The following USP33 variants were observed in gnomAD, a reference collection of about 807,000 sequenced individuals.
USP33 encodes ubiquitin carboxyl-terminal hydrolase 33.
USP33 carries 46 observed loss-of-function variants against 124.2 expected under a neutral mutation model. That is an observed-to-expected ratio of 0.37 (90% CI 0.29 to 0.47). USP33 has a LOEUF of 0.47. Among genes scored for constraint, USP33 ranks in the 20% least tolerant of loss-of-function variants. The pLI, the probability that USP33 is intolerant of heterozygous loss-of-function variation, is 0.99. For synonymous variants in USP33, 350 were observed against 352.3 expected (o/e 0.99, Z 0.07); for missense variants, 851 against 1,070.6 (o/e 0.79, Z 2.86).
chr1:77,734,369 C>A lies in USP33; in HGVS notation c.502G>T (p.Ala168Ser). The stretch of plus-strand genomic sequence containing the variant: ...TACCAATTAGAAAGAGCCTGCAAAG[C>A]TGCATTCATGTAACAAGTATTTCCA... The part of the protein sequence containing the change: ...NIGNTCYMNA[A>S]LQALSNCPPL... The change falls in exon 7 of 24, where the codon GCT becomes TCT. Residue 168 changes from alanine (A) to serine (S), a missense_variant. By Grantham distance (99) the Ala-to-Ser change is moderately conservative. Around this residue, in one of 4 missense-constraint regions of USP33, gnomAD observed 221 missense variants for 302.9 expected, o/e 0.73. Coordinates refer to ENST00000370794, the MANE Select transcript of USP33 (RefSeq NM_201624.3). 6 of 1,597,582 alleles carry A rather than the reference C, an allele frequency of 3.8e-6. No individual in the cohort carries two copies. Among genetic ancestry groups the A allele is most frequent in the Non-Finnish European group, 5.1e-6 (6 of 1,174,106 alleles).
At chr1:77,754,351 A>G (rs1330436891) in intron 1 of USP33, among the ~76,000 whole-genome samples, 1 of 152,214 alleles carries the variant, frequency 6.6e-6, no homozygotes, top group Non-Finnish European at 1.5e-5. Flanking sequence ...TTATCTTTCC[A>G]TATTTATCAT....
chr1:77,717,715 G>T, intron 17 of USP33, 152 bp downstream of exon 17: 1 of 500,552 alleles, frequency 2.0e-6, no homozygotes, highest in Non-Finnish European at 3.2e-6. Context: ...TCACTATGCT[G>T]CCCAAGCTGG....
At chr1:77,735,082 C>G (rs1010198364) in intron 6 of USP33, among the ~76,000 whole-genome samples, 3 of 151,198 alleles carry the variant, frequency 2.0e-5, no homozygotes, top group African/African-American at 7.3e-5. Context: ...GAGATTGCAC[C>G]ACTGCACTCC....
At chr1:77,697,638 G>T in intron 23 of USP33, 164 bp from the exon 24 acceptor site, 1 of 954,046 alleles carries the variant, frequency 1.0e-6, no homozygotes. Flanking sequence ...GAAACATATG[G>T]CTTGTCTTAA....
At chr1:77,757,037 T>C (rs1201513888) in intron 1 of USP33, among the ~76,000 whole-genome samples, 1 of 152,270 alleles carries the variant, frequency 6.6e-6, no homozygotes, top group Non-Finnish European at 1.5e-5. Flanking sequence ...AGCCACATTG[T>C]TCTACCGATG....
chr1:77,739,256 G>C lies in USP33; in HGVS notation c.351+9C>G. On this transcript the variant is annotated intron_variant, in intron 5 of 23. Coordinates refer to ENST00000370794, the MANE Select transcript of USP33 (RefSeq NM_201624.3). The stretch of plus-strand genomic sequence containing the variant: ...TTTACAGCTTAACTAAGTGGATCTA[G>C]ATTATTACCTGGACACTGTTTTCTT... 6.2e-7 allele frequency: 1 copy of C among 1,605,430 alleles called. No homozygotes were observed. Among genetic ancestry groups the C allele is most frequent in the Non-Finnish European group, 8.5e-7 (1 of 1,177,298 alleles).
chr1:77,722,797 A>G (rs1232830152), intron 12 of USP33, among the ~76,000 whole-genome samples: 1 of 152,234 alleles, frequency 6.6e-6, no homozygotes, highest in East Asian at 1.9e-4. Context: ...ACTGTACTTA[A>G]GAAAAGCTCA....
At chr1:77,727,293 T>TA (rs1238868202) in intron 10 of USP33, among the ~76,000 whole-genome samples, 4 of 152,232 alleles carry the variant, frequency 2.6e-5, no homozygotes, top group African/African-American at 9.6e-5. Flanking sequence ...ATCCCCTTGT[T>TA]ACTATGTGTA....
chr1:77,750,331 A>C (rs532917977), intron 1 of USP33, among the ~76,000 whole-genome samples: 58 of 151,042 alleles, frequency 3.8e-4, no homozygotes, highest in African/African-American at 1.3e-3. Context: ...AAAAAGAAAG[A>C]AAGAAAGAAT....
At chr1:77,730,412 T>C (rs192369570) in intron 8 of USP33, among the ~76,000 whole-genome samples, 5 of 152,334 alleles carry the variant, frequency 3.3e-5, no homozygotes, top group Admixed American at 1.3e-4. Context: ...CAAATACTTG[T>C]AGACTTCTAT....
chr1:77,736,512 T>G (rs1410218345), intron 5 of USP33, among the ~76,000 whole-genome samples: 1 of 152,192 alleles, frequency 6.6e-6, no homozygotes, highest in Non-Finnish European at 1.5e-5. Context: ...TCTTCTCAGA[T>G]CTCATTTTCA....
intron 2 of USP33, 83 bp downstream of exon 2, chr1:77,741,534 A>T: frequency 6.5e-7 from 1 of 1,528,150 alleles, no homozygotes; most frequent in East Asian, 2.3e-5. Flanking sequence ...TACTGCTCAT[A>T]GAGTATTACA....
chr1:77,722,314 CAAA>C (rs112955313), intron 12 of USP33, 118 bp from the exon 13 acceptor site: 49 of 732,122 alleles, frequency 6.7e-5, no homozygotes, highest in Non-Finnish European at 8.2e-5. Context: ...AAACAAAAAA[CAAA>C]AAAAAACACG....
intron 20 of USP33, 36 bp from the exon 21 acceptor site, chr1:77,711,891 GA>G: frequency 6.4e-7 from 1 of 1,566,098 alleles, no homozygotes; most frequent in Non-Finnish European, 8.6e-7. Flanking sequence ...AATGTTCTAG[GA>G]AGTTTGTTTC....
intron 11 of USP33, among the ~76,000 whole-genome samples, chr1:77,724,609 A>G (rs1427982849): frequency 6.6e-6 from 1 of 152,120 alleles, no homozygotes; most frequent in Non-Finnish European, 1.5e-5. Context: ...AAACCCAGTA[A>G]CCCCACTTCT....
At position 77,734,424 on chromosome 1, in the gene USP33, G is replaced by GA. The variant is rs1312991563; in HGVS notation, c.455-9dup. The stretch of plus-strand genomic sequence containing the variant: ...TTTTCAAACCTGTAAGACCTATTAA[G>GA]AAAAAATATACATGAAGTCATCATT... On this transcript the variant is annotated splice_polypyrimidine_tract_variant and intron_variant, in intron 6 of 23. Transcript: ENST00000370794. 2 of 1,543,506 alleles carry GA rather than the reference G, an allele frequency of 1.3e-6. No homozygotes were observed. The highest frequency in any genetic ancestry group is 2.3e-5 in the East Asian group (1 of 43,948).
intron 6 of USP33, among the ~76,000 whole-genome samples, chr1:77,734,804 CT>C (rs1678235345): frequency 6.6e-6 from 1 of 152,152 alleles, no homozygotes. Flanking sequence ...CACCCTTTTC[CT>C]TTCCATTTCA....
At chr1:77,706,720 G>A (rs1674672352) in intron 21 of USP33, among the ~76,000 whole-genome samples, 1 of 152,184 alleles carries the variant, frequency 6.6e-6, no homozygotes, top group Admixed American at 6.5e-5. Flanking sequence ...GCAACACTTT[G>A]TGGGTTTGGT....
chr1:77,758,776 A>T (rs997222491), intron 1 of USP33, among the ~76,000 whole-genome samples: 1 of 152,206 alleles, frequency 6.6e-6, no homozygotes. Flanking sequence ...GATTAAACTT[A>T]AAAATTCTCT....
Sources: allele counts gnomAD v4.1 joint callset (sites outside exome capture counted in the v4.1 genomes callset), GRCh38; gene constraint gnomAD v4.1.1; regional missense constraint gnomAD v4.1.1; transcripts MANE v1.5; gene names NCBI Gene and HGNC (gene_info 2026-07-23, HGNC 2026-07-21).